The following YME1L1 variants were observed in gnomAD, a reference collection of about 807,000 sequenced individuals.
YME1L1 encodes ATP-dependent zinc metalloprotease YME1L1.
Under a neutral mutation model 90.4 loss-of-function variants are expected in YME1L1, and 39 were observed. The observed-to-expected ratio is 0.43, with a 90% CI of 0.33 to 0.56. YME1L1 has a LOEUF of 0.56. Ranked by LOEUF, YME1L1 falls within the 20% of genes least tolerant of loss-of-function variation. The pLI is 0.03. For missense variants in YME1L1, 617 were observed against 868.4 expected (o/e 0.71, Z 3.64); for synonymous variants, 284 against 287.3 (o/e 0.99, Z 0.12).
At chr10:27,119,255 T>C (rs1357592142) in intron 14 of YME1L1, 39 bp downstream of exon 14, 4 of 1,555,698 alleles carry the variant, frequency 2.6e-6, no homozygotes, top group South Asian at 1.2e-5. Flanking sequence ...TCTAACACAA[T>C]GAAAAGTAAA....
intron 1 of YME1L1, among the ~76,000 whole-genome samples, chr10:27,152,661 G>A: frequency 6.6e-6 from 1 of 152,186 alleles, no homozygotes; most frequent in Non-Finnish European, 1.5e-5. Context: ...TCCAGACACT[G>A]TCATCTTGGT....
At chr10:27,145,660 A>G (rs147609224) in intron 2 of YME1L1, 70 bp from the exon 3 acceptor site, 42 of 1,262,160 alleles carry the variant, frequency 3.3e-5, no homozygotes, top group African/African-American at 1.2e-4. Context: ...AGTACATATT[A>G]TCAGTTAAAA....
intron 4 of YME1L1, 149 bp downstream of exon 4, chr10:27,142,238 C>T (rs144845693): frequency 5.4e-4 from 243 of 452,068 alleles, no homozygotes; most frequent in African/African-American, 4.0e-3. Flanking sequence ...AAAAATTATA[C>T]AGAAGTACCC....
chr10:27,141,957 T>C (rs1288606161), intron 4 of YME1L1, among the ~76,000 whole-genome samples: 1 of 152,198 alleles, frequency 6.6e-6, no homozygotes, highest in Non-Finnish European at 1.5e-5. Context: ...TAAATGCAAA[T>C]TTGATTTTAC....
chr10:27,145,803 T>A, intron 2 of YME1L1: 1 of 350,824 alleles, frequency 2.9e-6, no homozygotes, highest in Non-Finnish European at 5.0e-6. Context: ...AAAAATTATA[T>A]TCCTAATGGT....
In YME1L1 at chr10:27,136,399, T is replaced by C. The variant is rs1165366589; in HGVS notation, c.431-14A>G. ...ACTGTATGAAAACTAAATAAAACAA[T>C]ACCATTCACTGTCACTATAAATTGT... On this transcript the variant is annotated splice_polypyrimidine_tract_variant and intron_variant, in intron 4 of 18. Coordinates refer to ENST00000376016, the MANE Select transcript of YME1L1 (RefSeq NM_014263.4). 4 of 1,584,200 alleles carry C rather than the reference T, an allele frequency of 2.5e-6. No individual in the cohort carries two copies. Among genetic ancestry groups the C allele is most frequent in the African/African-American group, 1.4e-5 (1 of 73,742 alleles).
chr10:27,138,051 T>A (rs1345919464), intron 4 of YME1L1, among the ~76,000 whole-genome samples: 1 of 148,986 alleles, frequency 6.7e-6, no homozygotes, highest in African/African-American at 2.5e-5. Context: ...TATTTGGAAC[T>A]TTTTTTTTTG....
chr10:27,148,842 C>T (rs1367241659), intron 2 of YME1L1, 64 bp downstream of exon 2: 9 of 1,583,118 alleles, frequency 5.7e-6, no homozygotes, highest in Non-Finnish European at 7.7e-6. Context: ...CTTAATCCTT[C>T]ATTTGTTTAA....
intron 9 of YME1L1, among the ~76,000 whole-genome samples, chr10:27,124,218 GA>G (rs1169923943): frequency 1.3e-5 from 2 of 152,142 alleles, no homozygotes. Context: ...TGATGTACAA[GA>G]AAGTCTTTAG....
intron 2 of YME1L1, 65 bp from the exon 3 acceptor site, chr10:27,145,655 A>C: frequency 7.7e-7 from 1 of 1,298,890 alleles, no homozygotes; most frequent in Non-Finnish European, 1.0e-6. Flanking sequence ...TAAGGAGTAC[A>C]TATTATCAGT....
At chr10:27,123,790 A>G (rs920531731) in intron 9 of YME1L1, 91 bp from the exon 10 acceptor site, 23 of 1,340,682 alleles carry the variant, frequency 1.7e-5, no homozygotes, top group Non-Finnish European at 2.2e-5. Flanking sequence ...TCATTTATAT[A>G]ATTTTCAGGC....
At chr10:27,143,428 G>A (rs1034180515) in intron 3 of YME1L1, among the ~76,000 whole-genome samples, 12 of 151,638 alleles carry the variant, frequency 7.9e-5, no homozygotes, top group African/African-American at 1.5e-4. Flanking sequence ...GGCCAGGCGC[G>A]GTGCCTCACG....
intron 4 of YME1L1, among the ~76,000 whole-genome samples, chr10:27,139,210 T>TA (rs2057060531): frequency 6.6e-6 from 1 of 152,062 alleles, no homozygotes; most frequent in Non-Finnish European, 1.5e-5. Flanking sequence ...CATATATATA[T>TA]TTTTTAGATA....
chr10:27,136,550 T>A (rs2057029454), intron 4 of YME1L1, among the ~76,000 whole-genome samples, 165 bp from the exon 5 acceptor site: 1 of 152,036 alleles, frequency 6.6e-6, no homozygotes, highest in African/African-American at 2.4e-5. Context: ...AGAGACGGGG[T>A]CTCCTTTTAT....
chr10:27,115,951 T>C (rs1011719266), intron 17 of YME1L1, 109 bp downstream of exon 17: 2 of 972,732 alleles, frequency 2.1e-6, no homozygotes, highest in Non-Finnish European at 3.2e-6. Context: ...TCAAATCCAT[T>C]TGGAGTGAGA....
At position 27,134,968 on chromosome 10, in the gene YME1L1, C is replaced by G. The variant is rs377537982; in HGVS notation, c.554G>C (p.Arg185Pro). The change falls in exon 6 of 19, where the codon CGG becomes CCG. Residue 185 changes from arginine to proline, a missense_variant. Coordinates refer to ENST00000376016, the MANE Select transcript of YME1L1 (RefSeq NM_014263.4). ...APSFVKGFLL[R>P]DRGSDVESLD... The stretch of plus-strand genomic sequence containing the variant: ...ACTCTCAACATCTGATCCTCTGTCC[C>G]GCAAAAGAAACCCCTGAATACACAA... The G allele has an allele frequency of 1.1e-5, 18 of 1,612,148 alleles. No individual in the cohort carries two copies. Among genetic ancestry groups the G allele is most frequent in the Non-Finnish European group, 1.5e-5 (18 of 1,179,912 alleles).
chr10:27,132,312 T>C (rs1449129611), intron 7 of YME1L1, among the ~76,000 whole-genome samples: 1 of 151,794 alleles, frequency 6.6e-6, no homozygotes, highest in Non-Finnish European at 1.5e-5. Context: ...TTGGTCAGGC[T>C]GGTCTTGAAC....
intron 17 of YME1L1, 50 bp from the exon 18 acceptor site, chr10:27,114,657 AC>A (rs775080123): frequency 7.2e-7 from 1 of 1,398,300 alleles, no homozygotes; most frequent in South Asian, 1.2e-5. Context: ...CCAAACACCA[AC>A]AAATTTGAAA....
chr10:27,117,332 C>A (rs2056823302), intron 15 of YME1L1, among the ~76,000 whole-genome samples: 1 of 152,168 alleles, frequency 6.6e-6, no homozygotes, highest in Admixed American at 6.6e-5. Context: ...CTTTGGGAGA[C>A]TGAGGCAGGT....
Sources: gnomAD v4.1 joint callset for allele counts (sites outside exome capture counted in the v4.1 genomes callset) on GRCh38, gnomAD v4.1.1 for gene constraint, MANE v1.5 for transcripts, NCBI Gene and HGNC (gene_info 2026-07-23, HGNC 2026-07-21) for gene names.